Variants in APP observed in about 807,000 individuals in gnomAD.
APP encodes the protein amyloid beta precursor protein.
In APP, 31 loss-of-function variants were observed where a neutral mutation model predicts 101.4. The ratio of observed to expected loss-of-function variants is 0.31; its 90% CI spans 0.23 to 0.41. The LOEUF is 0.41. Among genes scored for constraint, APP ranks in the 10% least tolerant of loss-of-function variants. The pLI is 1.00. For synonymous variants in APP, 366 were observed against 364.4 expected, an observed-to-expected ratio of 1.00 and a Z score of -0.05; for missense variants, 839 against 1,003.7, an observed-to-expected ratio of 0.84 and a Z score of 2.22.
chr21:25,890,169 C>T (rs958232412), intron 17 of APP, among the ~76,000 whole-genome samples: 2 of 152,158 alleles, frequency 1.3e-5, no homozygotes, highest in African/African-American at 4.8e-5. Context: ...CCTTTCCACC[C>T]TGCTGCCTGC....
intron 2 of APP, among the ~76,000 whole-genome samples, chr21:26,100,509 G>A (rs779431379): frequency 6.6e-6 from 1 of 152,116 alleles, no homozygotes; most frequent in Non-Finnish European, 1.5e-5. Context: ...TTCCAACTCG[G>A]TAAGATTAAA....
intron 6 of APP, among the ~76,000 whole-genome samples, chr21:26,001,663 A>AT (rs1280239112): frequency 2.0e-5 from 3 of 152,036 alleles, no homozygotes; most frequent in African/African-American, 7.2e-5. Context: ...CGCCTGGCTA[A>AT]TTTTTTGGTA....
chr21:26,070,200 A>C (rs547227300), intron 3 of APP, among the ~76,000 whole-genome samples: 13 of 152,192 alleles, frequency 8.5e-5, no homozygotes, highest in Non-Finnish European at 1.9e-4. Flanking sequence ...AAAATCACAC[A>C]ATCTGTTCAA....
At chr21:26,166,966 C>A (rs2063632046) in intron 1 of APP, among the ~76,000 whole-genome samples, 1 of 149,076 alleles carries the variant, frequency 6.7e-6, no homozygotes, top group Non-Finnish European at 1.5e-5. Context: ...GTCTGTCTGT[C>A]TGGTAGAGGC....
intron 1 of APP, among the ~76,000 whole-genome samples, chr21:26,126,549 T>C (rs924630500): frequency 2.0e-5 from 3 of 152,150 alleles, no homozygotes; most frequent in Non-Finnish European, 2.9e-5. Flanking sequence ...GCCACTTTGC[T>C]TTTTGAGCCC....
At chr21:25,905,983 G>C (rs1447752357) in intron 14 of APP, among the ~76,000 whole-genome samples, 1 of 152,214 alleles carries the variant, frequency 6.6e-6, no homozygotes, top group East Asian at 1.9e-4. Context: ...AGCTGCTTTG[G>C]TAAGGTGGCA....
At chr21:25,898,608 C>G (rs937215332) in intron 15 of APP, among the ~76,000 whole-genome samples, 1 of 152,182 alleles carries the variant, frequency 6.6e-6, no homozygotes, top group Non-Finnish European at 1.5e-5. Context: ...AATTTCCCTC[C>G]ATTTTTTGAT....
chr21:26,116,333 C>T (rs1240944749), intron 1 of APP, among the ~76,000 whole-genome samples: 1 of 152,150 alleles, frequency 6.6e-6, no homozygotes, highest in East Asian at 1.9e-4. Context: ...GTGAAATGGA[C>T]TTTCCAAAGC....
chr21:25,935,829 G>C (rs923181376), intron 13 of APP, among the ~76,000 whole-genome samples: 2 of 100,714 alleles, frequency 2.0e-5, no homozygotes, highest in Non-Finnish European at 3.6e-5. Context: ...AACAGAGTGA[G>C]ACTCTGTCTC....
chr21:25,900,971 G>C (rs2038421579), intron 15 of APP, among the ~76,000 whole-genome samples: 1 of 116,138 alleles, frequency 8.6e-6, no homozygotes, highest in Admixed American at 1.0e-4. Flanking sequence ...CTGGGCGACA[G>C]AGTGAGACTC....
chr21:25,888,986 T>C (rs2037518955), intron 17 of APP, among the ~76,000 whole-genome samples: 7 of 152,122 alleles, frequency 4.6e-5, no homozygotes, highest in Admixed American at 2.6e-4. Context: ...AGCCTCCTAT[T>C]TGGGGATTCT....
At chr21:26,139,669 C>T (rs2146304187) in intron 1 of APP, among the ~76,000 whole-genome samples, 1 of 152,226 alleles carries the variant, frequency 6.6e-6, no homozygotes, top group East Asian at 1.9e-4. Flanking sequence ...CCGAGGCAGG[C>T]AGATCACGAG....
intron 17 of APP, among the ~76,000 whole-genome samples, chr21:25,887,087 C>G (rs1701003): frequency 0.34 from 51,800 of 151,946 alleles, 9,104 homozygotes; most frequent in Middle Eastern, 0.49. Flanking sequence ...GAGAGGAAAA[C>G]TTTTTCACAT....
chr21:25,982,047 G>T (rs920481062), intron 9 of APP, among the ~76,000 whole-genome samples: 1 of 152,076 alleles, frequency 6.6e-6, no homozygotes, highest in Non-Finnish European at 1.5e-5. Flanking sequence ...TTGATTACAG[G>T]TACTACATAT....
At chr21:26,049,209 A>G (rs1309414860) in intron 5 of APP, among the ~76,000 whole-genome samples, 1 of 152,164 alleles carries the variant, frequency 6.6e-6, no homozygotes, top group Admixed American at 6.5e-5. Flanking sequence ...TGAAAATGCA[A>G]GAAAGGGAGA....
chr21:26,005,143 G>A lies in APP; in HGVS notation c.866-4961C>T, dbSNP rs542033765. Among the ~76,000 whole-genome samples the A allele has an allele frequency of 3.3e-5, 5 of 152,256 alleles. No individual in the cohort carries two copies. The East Asian group carries it at 9.6e-4, about 29-fold the overall frequency. On this transcript the variant is annotated intron_variant, in intron 6 of 17. Transcript: ENST00000346798. ...AAATGAATATAGGAAGCCAGGCATG[G>A]TGGCTCAAGCCTGTAATCCCAGCAC... is the stretch of plus-strand genomic sequence containing the variant.
At chr21:26,071,509 A>T (rs558825992) in intron 3 of APP, among the ~76,000 whole-genome samples, 1 of 152,342 alleles carries the variant, frequency 6.6e-6, no homozygotes, top group South Asian at 2.1e-4. Context: ...TATATTTAAC[A>T]TTTAGAAATG....
At chr21:25,958,496 C>T (rs887664317) in intron 11 of APP, among the ~76,000 whole-genome samples, 20 of 152,144 alleles carry the variant, frequency 1.3e-4, no homozygotes, top group African/African-American at 4.8e-4. Context: ...CCAGGATGGT[C>T]TCCATCTCCT....
chr21:25,967,332 GGATA>G (rs1450474722), intron 11 of APP, among the ~76,000 whole-genome samples: 1 of 152,068 alleles, frequency 6.6e-6, no homozygotes, highest in African/African-American at 2.4e-5. Context: ...AACACAACTG[GGATA>G]GATAAACAGA....
Sources: allele counts gnomAD v4.1 joint callset (sites outside exome capture counted in the v4.1 genomes callset), GRCh38; gene constraint gnomAD v4.1.1; transcripts MANE v1.5; gene names NCBI Gene and HGNC (gene_info 2026-07-23, HGNC 2026-07-21).